STK25: variants seen among roughly 807,000 people sequenced by gnomAD.
The protein encoded by STK25 is serine/threonine-protein kinase 25.
A neutral mutation model predicts 53.8 loss-of-function variants in STK25; 29 were observed. The observed-to-expected ratio is 0.54, with a 90% CI of 0.40 to 0.74. The LOEUF (loss-of-function observed/expected upper bound fraction) is 0.74. Ranked by LOEUF, STK25 falls within the 30% of genes least tolerant of loss-of-function variation. STK25 has a pLI of 0.00. For synonymous variants in STK25, 247 were observed against 238.3 expected, an observed-to-expected ratio of 1.04 and a Z score of -0.33; for missense variants, 420 against 568.0, an observed-to-expected ratio of 0.74 and a Z score of 2.65.
intron 7 of STK25, 43 bp from the exon 8 acceptor site, chr2:241,498,827 G>A (rs1461275604): frequency 1.2e-6 from 2 of 1,612,214 alleles, no homozygotes; most frequent in South Asian, 2.2e-5. Flanking sequence ...GCCCAGCCAA[G>A]CTCTGCCTAA....
chr2:241,501,454 T>C lies in STK25; in HGVS notation c.261+24A>G, dbSNP rs764230747. ...AGAGCCGGGCACAGCACCAGCAGGGTCCCCGCCTCCCCACAACAGGCACCT... is the reference window on the plus strand; with the variant it reads ...AGAGCCGGGCACAGCACCAGCAGGGCCCCCGCCTCCCCACAACAGGCACCT... On this transcript the variant is annotated intron_variant, in intron 3 of 11. Coordinates refer to ENST00000316586, the MANE Select transcript of STK25 (RefSeq NM_001271977.2). The surrounding 1 kb of genome is among the most constrained non-coding windows in gnomAD (Gnocchi z 5.3). 5.0e-6 allele frequency: 8 copies of C among 1,607,242 alleles called. No homozygotes were observed. The South Asian group carries it at 7.7e-5, about 16-fold the overall frequency.
At position 241,494,044 on chromosome 2, in the gene STK25, C is replaced by A; in HGVS notation, c.*1618G>T. Reference sequence around the variant, plus strand: ...TGATCCAGGGGGCCAGCAGCTCAGCCGGGAGGGCCCCAAGCATCGTGCAGG... The same window carrying A: ...TGATCCAGGGGGCCAGCAGCTCAGCAGGGAGGGCCCCAAGCATCGTGCAGG... On this transcript the variant is annotated 3_prime_UTR_variant, in exon 12 of 12. Transcript: ENST00000316586. This position sits in a 1 kb window ranked among gnomAD's most constrained non-coding sequence, Gnocchi z 4.9. The A allele has an allele frequency of 7.1e-7, 1 of 1,415,002 alleles. No individual in the cohort carries two copies. Among genetic ancestry groups the A allele is most frequent in the Non-Finnish European group, 9.2e-7 (1 of 1,083,480 alleles). The allele number at this position is 1,415,002 out of a possible 1,614,324, so 87.7% of individuals were successfully genotyped here.
At chr2:241,503,358 C>G (rs1041064482) in intron 2 of STK25, among the ~76,000 whole-genome samples, 5 of 151,932 alleles carry the variant, frequency 3.3e-5, no homozygotes, top group Non-Finnish European at 7.4e-5. Flanking sequence ...AGCCACCACG[C>G]ACGGCCCCTC....
intron 2 of STK25, among the ~76,000 whole-genome samples, chr2:241,507,355 A>C (rs2065895857): frequency 6.6e-6 from 1 of 152,192 alleles, no homozygotes; most frequent in African/African-American, 2.4e-5. Context: ...GTCCCACCAG[A>C]CGCTTAAAGG....
intron 2 of STK25, chr2:241,503,938 G>A (rs780430477): frequency 2.2e-6 from 1 of 450,372 alleles, no homozygotes; most frequent in Non-Finnish European, 4.6e-6. Flanking sequence ...ACTGGACATC[G>A]CACCAGCCTG....
rs145988240 is a variant in STK25, at chr2:241,498,690, C to T, written c.866G>A (p.Arg289His). 15 of 1,614,104 alleles carry T rather than the reference C, an allele frequency of 9.3e-6. No individual in the cohort carries two copies. The highest frequency in any genetic ancestry group is 8.8e-5 in the South Asian group (8 of 91,086). ...CTCGCCATGCCCCTCTGACTTCCAGCGCTTATAGCGGTCGATGAGCTCCGT... is the reference window on the plus strand; with the variant it reads ...CTCGCCATGCCCCTCTGACTTCCAGTGCTTATAGCGGTCGATGAGCTCCGT... ...FLTELIDRYK[R>H]WKSEGHGEES... The change falls in exon 8 of 12, where the codon CGC becomes CAC. Residue 289 changes from arginine to histidine, a missense_variant. Physicochemically the swap from Arg to His is conservative, Grantham distance 29. Coordinates refer to ENST00000316586, the MANE Select transcript of STK25 (RefSeq NM_001271977.2).
rs563604009 is a variant in STK25 at position 241,496,779 on chromosome 2, C to T, written c.1105-245G>A. 3.9e-5 allele frequency among the ~76,000 whole-genome samples: 6 copies of T among 152,150 alleles called. No homozygotes were observed. Among genetic ancestry groups the T allele is most frequent in the East Asian group, 3.9e-4 (2 of 5,190 alleles). On this transcript the variant is annotated intron_variant, in intron 10 of 11. Coordinates refer to ENST00000316586, the MANE Select transcript of STK25 (RefSeq NM_001271977.2). The surrounding 1 kb of genome is among the most constrained non-coding windows in gnomAD (Gnocchi z 5.8). ...CTTCCCCCTACACTCCGGGGAATCT[C>T]GGACCTCGGTTCTCAGGAGGGGACC...
intron 8 of STK25, 64 bp from the exon 9 acceptor site, chr2:241,498,413 G>C: frequency 6.9e-7 from 1 of 1,439,960 alleles, no homozygotes; most frequent in Non-Finnish European, 9.5e-7. Context: ...AGGGCCTCAG[G>C]GCACACCTCA....
chr2:241,504,076 G>C (rs1440028298), intron 2 of STK25: 3 of 471,200 alleles, frequency 6.4e-6, no homozygotes, highest in Non-Finnish European at 1.3e-5. Context: ...TTGAGTGCCA[G>C]ACCTCGAGGT....
chr2:241,497,721 C>A (rs999285859), intron 9 of STK25, 34 bp from the exon 10 acceptor site: 1 of 1,608,078 alleles, frequency 6.2e-7, no homozygotes, highest in Non-Finnish European at 8.5e-7. Flanking sequence ...GTGAGCAGGG[C>A]AGTGCAGGTG....
At chr2:241,504,584 GCA>G (rs2065709334) in intron 2 of STK25, among the ~76,000 whole-genome samples, 1 of 152,194 alleles carries the variant, frequency 6.6e-6, no homozygotes, top group African/African-American at 2.4e-5. Context: ...AGGGTGGGTG[GCA>G]CAGATGAGGT....
chr2:241,506,397 A>G (rs1490823498), intron 2 of STK25, among the ~76,000 whole-genome samples: 1 of 152,230 alleles, frequency 6.6e-6, no homozygotes, highest in African/African-American at 2.4e-5. Context: ...AAGAACCAAT[A>G]GCACACAGTT....
intron 2 of STK25, among the ~76,000 whole-genome samples, chr2:241,502,221 T>A (rs573781315): frequency 1.8e-4 from 28 of 151,716 alleles, no homozygotes; most frequent in Non-Finnish European, 2.9e-4. Flanking sequence ...GAACTTTCCA[T>A]GCAAGGGAAA....
upstream of STK25, chr2:241,508,649 G>T: frequency 1.0e-6 from 1 of 986,598 alleles, no homozygotes; most frequent in East Asian, 1.1e-4. Context: ...GGGACCCCGA[G>T]TCCCACCGCC....
chr2:241,508,250 C>T, intron 1 of STK25, 115 bp from the exon 2 acceptor site: 11 of 1,307,700 alleles, frequency 8.4e-6, no homozygotes, highest in Non-Finnish European at 1.1e-5. Flanking sequence ...GCCGCCGGGG[C>T]CCCGCCACGC....
At chr2:241,508,355 G>A in intron 1 of STK25, 88 bp downstream of exon 1, 1 of 781,610 alleles carries the variant, frequency 1.3e-6, no homozygotes, top group Non-Finnish European at 1.7e-6. Flanking sequence ...CCCCCGCCCC[G>A]GTGTCCCCGC....
intron 4 of STK25, among the ~76,000 whole-genome samples, chr2:241,500,535 C>A (rs905234436): frequency 6.6e-6 from 1 of 152,164 alleles, no homozygotes; most frequent in South Asian, 2.1e-4. Context: ...CAGGCCTGCC[C>A]CCGCCCACTC....
rs774488883 is a variant in STK25 at position 241,501,527 on chromosome 2, C to T, written c.212G>A (p.Ser71Asn). 6.2e-7 allele frequency: 1 copy of T among 1,614,114 alleles called. No individual in the cohort carries two copies. Among genetic ancestry groups the T allele is most frequent in the Non-Finnish European group, 8.5e-7 (1 of 1,180,042 alleles). Reference sequence around the variant, plus strand: ...GGTGATGTAGGGGCTGTCGCACTGACTGAGGACAGTGATCTCCTGCTGGAT... The same window carrying T: ...GGTGATGTAGGGGCTGTCGCACTGATTGAGGACAGTGATCTCCTGCTGGAT... Reference protein sequence around the residue: ...EDIQQEITVLSQCDSPYITRY... With the variant: ...EDIQQEITVLNQCDSPYITRY... The change falls in exon 3 of 12, where the codon AGT (serine) becomes AAT (asparagine). Residue 71 changes from serine (S) to asparagine (N), a missense_variant. By Grantham distance (46) the Ser-to-Asn change is conservative. Coordinates refer to ENST00000316586, the MANE Select transcript of STK25 (RefSeq NM_001271977.2). This position sits in a 1 kb window ranked among gnomAD's most constrained non-coding sequence, Gnocchi z 5.3.
In STK25 at chr2:241,493,289, G is replaced by C. The variant is rs2271030; in HGVS notation, c.*2373C>G. The C allele has an allele frequency of 0.36, 580,594 of 1,612,510 alleles. 107,797 individuals carry two copies. The highest frequency in any genetic ancestry group is 0.57 in the Admixed American group (34,218 of 59,978). The stretch of plus-strand genomic sequence containing the variant: ...GGAACCCGTGTCCCTATGCTGTCTT[G>C]CAGGATGACTACCCACTGGCCAGCC... On this transcript the variant is annotated 3_prime_UTR_variant, in exon 12 of 12. Transcript: ENST00000316586.
Sources: allele counts gnomAD v4.1 joint callset (sites outside exome capture counted in the v4.1 genomes callset), GRCh38; gene constraint gnomAD v4.1.1; non-coding constraint Gnocchi (gnomAD v3.1); transcripts MANE v1.5; gene names NCBI Gene and HGNC (gene_info 2026-07-23, HGNC 2026-07-21).